PTPRD: variants seen among roughly 807,000 people sequenced by gnomAD.
PTPRD encodes the protein receptor-type tyrosine-protein phosphatase delta.
PTPRD carries 34 observed loss-of-function variants against 214.5 expected under a neutral mutation model. The observed-to-expected ratio is 0.16, with a 90% CI of 0.12 to 0.21. PTPRD has a LOEUF of 0.21. PTPRD is among the 10% of genes least tolerant of loss of function. PTPRD has a pLI of 1.00. For synonymous variants in PTPRD, 1,128 were observed against 845.7 expected (o/e 1.33, Z -5.79); for missense variants, 2,545 against 2,398.7 (o/e 1.06, Z -1.27).
chr9:9,750,245 T>A (rs142252458), intron 6 of PTPRD, among the ~76,000 whole-genome samples: 1 of 152,180 alleles, frequency 6.6e-6, no homozygotes, highest in African/African-American at 2.4e-5. Context: ...GTAACTATTA[T>A]TGAAATGCTC....
rs140043794 is a variant in PTPRD at position 9,470,319 on chromosome 9, T to C, written c.-236-72837A>G. Among the ~76,000 whole-genome samples the C allele has an allele frequency of 2.9e-3, 435 of 152,308 alleles. 2 individuals carry two copies. The highest frequency in any genetic ancestry group is 9.9e-3 in the African/African-American group (412 of 41,586). On this transcript the variant is annotated intron_variant, in intron 8 of 45. Transcript: ENST00000381196. The stretch of plus-strand genomic sequence containing the variant: ...GAAACCTACCATCTTCATCTTGAAG[T>C]ACTGGAAACAGCAAGATACCACCTA...
At chr9:8,519,435 G>A (rs1208637768) in intron 20 of PTPRD, among the ~76,000 whole-genome samples, 1 of 152,144 alleles carries the variant, frequency 6.6e-6, no homozygotes, top group African/African-American at 2.4e-5. Context: ...TGCTATTAGG[G>A]TAGGAAGGGG....
rs2061318921 is a variant in PTPRD at position 9,378,237 on chromosome 9, T to A, written c.-203+19212A>T. On this transcript the variant is annotated intron_variant, in intron 9 of 45. Coordinates refer to ENST00000381196, the MANE Select transcript of PTPRD (RefSeq NM_002839.4). ...AACCACTGATCGTTAAATATCTCCA[T>A]AATTTTGGCTTTTCCAGAAAATCAT... Among the ~76,000 whole-genome samples the A allele has an allele frequency of 2.6e-5, 4 of 152,244 alleles. No individual in the cohort carries two copies. The South Asian group carries it at 8.3e-4, about 32-fold the overall frequency.
chr9:9,094,826 G>C (rs892753974), intron 10 of PTPRD, among the ~76,000 whole-genome samples: 1 of 151,990 alleles, frequency 6.6e-6, no homozygotes, highest in African/African-American at 2.4e-5. Flanking sequence ...AAAACTTTAC[G>C]AGGCTAGCAT....
chr9:9,030,224 G>C (rs2099600163), intron 10 of PTPRD, among the ~76,000 whole-genome samples: 1 of 137,524 alleles, frequency 7.3e-6, no homozygotes, highest in African/African-American at 2.7e-5. Flanking sequence ...AGAAACAGCA[G>C]ATGTTCCATG....
rs1360339939 is a variant in PTPRD, at chr9:9,091,287, A to G, written c.-142-72552T>C. On this transcript the variant is annotated intron_variant, in intron 10 of 45. Coordinates refer to ENST00000381196, the MANE Select transcript of PTPRD (RefSeq NM_002839.4). The stretch of plus-strand genomic sequence containing the variant: ...AGACTGAAGACAGGCTATTCTCTGG[A>G]GAAAAATAAAATGGAAATTGTACTT... 7 of 1,120,208 alleles carry G rather than the reference A, an allele frequency of 6.2e-6. No individual in the cohort carries two copies. In the East Asian group the frequency reaches 1.2e-4, roughly 19 times the overall value. The allele number at this position is 1,120,208 out of a possible 1,614,324, so 69.4% of individuals were successfully genotyped here. A position where few individuals can be genotyped will look rare whatever the true frequency, so the allele number is the denominator to read the frequency against.
intron 10 of PTPRD, among the ~76,000 whole-genome samples, chr9:9,159,407 A>G (rs908042523): frequency 6.6e-6 from 1 of 152,186 alleles, no homozygotes; most frequent in African/African-American, 2.4e-5. Context: ...TAGTGTTTCT[A>G]TATATGTATA....
intron 8 of PTPRD, among the ~76,000 whole-genome samples, chr9:9,534,073 C>T (rs999215423): frequency 6.6e-6 from 1 of 151,900 alleles, no homozygotes; most frequent in Non-Finnish European, 1.5e-5. Flanking sequence ...TAGCTTAAGC[C>T]AGCAGGATAT....
At chr9:9,131,976 C>A (rs773750653) in intron 10 of PTPRD, among the ~76,000 whole-genome samples, 1 of 151,824 alleles carries the variant, frequency 6.6e-6, no homozygotes, top group Non-Finnish European at 1.5e-5. Flanking sequence ...GTCTACTGAG[C>A]CTAAGTAAGG....
chr9:8,710,351 T>A (rs1010691281), intron 12 of PTPRD, among the ~76,000 whole-genome samples: 2 of 152,298 alleles, frequency 1.3e-5, no homozygotes, highest in Non-Finnish European at 1.5e-5. Flanking sequence ...GCAGGGTGGC[T>A]TATGCCTGTA....
chr9:9,190,073 G>A (rs982687897), intron 9 of PTPRD, among the ~76,000 whole-genome samples: 1 of 152,076 alleles, frequency 6.6e-6, no homozygotes, highest in African/African-American at 2.4e-5. Context: ...GTTTGAATGT[G>A]TCCTCCAAAG....
At chr9:9,791,589 C>T (rs892627410) in intron 5 of PTPRD, among the ~76,000 whole-genome samples, 1 of 152,060 alleles carries the variant, frequency 6.6e-6, no homozygotes, top group African/African-American at 2.4e-5. Context: ...TTTTTAAGAG[C>T]CTTGGCATTC....
chr9:9,804,473 T>A (rs190573664), intron 5 of PTPRD, among the ~76,000 whole-genome samples: 209 of 152,236 alleles, frequency 1.4e-3, no homozygotes, highest in Middle Eastern at 0.01. Context: ...GAACAAAAAA[T>A]TTTATATGGC....
intron 3 of PTPRD, among the ~76,000 whole-genome samples, chr9:10,211,575 C>T (rs1480107768): frequency 6.6e-6 from 1 of 152,134 alleles, no homozygotes; most frequent in African/African-American, 2.4e-5. Flanking sequence ...AACAGAGGTG[C>T]TCCGGAACAC....
chr9:9,803,363 G>C (rs2099053632), intron 5 of PTPRD, among the ~76,000 whole-genome samples: 1 of 151,676 alleles, frequency 6.6e-6, no homozygotes, highest in South Asian at 2.1e-4. Context: ...TCTCAATATA[G>C]CTGCAGAATT....
chr9:9,945,935 CTAT>C (rs1004173391), intron 4 of PTPRD, among the ~76,000 whole-genome samples: 2 of 148,762 alleles, frequency 1.3e-5, no homozygotes, highest in Admixed American at 1.4e-4. Context: ...AACCAAAGAA[CTAT>C]TATTGTAAAA....
chr9:9,443,953 T>C (rs1358888450), intron 8 of PTPRD, among the ~76,000 whole-genome samples: 1 of 152,224 alleles, frequency 6.6e-6, no homozygotes, highest in Non-Finnish European at 1.5e-5. Context: ...GACTTTTTTG[T>C]CTACTATACA....
chr9:10,348,364 AT>A (rs1190310334), intron 2 of PTPRD, among the ~76,000 whole-genome samples: 5 of 152,166 alleles, frequency 3.3e-5, no homozygotes, highest in Non-Finnish European at 5.9e-5. Flanking sequence ...GGTAAAATGA[AT>A]GTTAGAAAAC....
At chr9:10,358,260 C>T (rs573896991) in intron 2 of PTPRD, among the ~76,000 whole-genome samples, 1 of 151,994 alleles carries the variant, frequency 6.6e-6, no homozygotes, top group East Asian at 1.9e-4. Flanking sequence ...TACTTTTGTC[C>T]AGAAATTCTT....
Sources: allele counts gnomAD v4.1 joint callset (sites outside exome capture counted in the v4.1 genomes callset), GRCh38; gene constraint gnomAD v4.1.1; transcripts MANE v1.5; gene names NCBI Gene and HGNC (gene_info 2026-07-23, HGNC 2026-07-21).